IPCEF1: variants seen among roughly 807,000 people sequenced by gnomAD.
IPCEF1 encodes the protein interaction protein for cytohesin exchange factors 1, also known as interactor protein for cytohesin exchange factors 1.
Under a neutral mutation model 50.9 loss-of-function variants are expected in IPCEF1, and 31 were observed. The observed-to-expected ratio is 0.61, with a 90% CI of 0.46 to 0.82. The LOEUF (loss-of-function observed/expected upper bound fraction) is 0.82, where lower values mean the gene tolerates loss of function less well. Ranked by LOEUF, IPCEF1 falls within the 40% of genes least tolerant of loss-of-function variation. The probability of loss-of-function intolerance (pLI) is 0.00; values close to 1 mark genes in which losing one functional copy is unlikely to be tolerated. For synonymous variants in IPCEF1, 181 were observed against 192.0 expected, an observed-to-expected ratio of 0.94 and a Z score of 0.47; for missense variants, 458 against 514.0, an observed-to-expected ratio of 0.89 and a Z score of 1.05.
At chr6:154,278,732 T>TAC (rs1167454695) in intron 2 of IPCEF1, among the ~76,000 whole-genome samples, 2 of 151,918 alleles carry the variant, frequency 1.3e-5, no homozygotes, top group African/African-American at 4.8e-5. Flanking sequence ...AATATATATA[T>TAC]ATATGATTAA....
chr6:154,235,484 T>A (rs1255910992), intron 5 of IPCEF1, among the ~76,000 whole-genome samples: 2 of 140,204 alleles, frequency 1.4e-5, no homozygotes, highest in Non-Finnish European at 1.5e-5. Context: ...TCAGCCGAGA[T>A]CGCACCATTG....
chr6:154,170,905 C>T (rs886188911), intron 10 of IPCEF1, among the ~76,000 whole-genome samples: 5 of 152,128 alleles, frequency 3.3e-5, no homozygotes, highest in African/African-American at 7.2e-5. Flanking sequence ...GGGTCTTGGT[C>T]TATCACCTGG....
chr6:154,204,404 G>A (rs1460729541), intron 9 of IPCEF1, among the ~76,000 whole-genome samples: 5 of 152,214 alleles, frequency 3.3e-5, no homozygotes, highest in African/African-American at 9.6e-5. Flanking sequence ...TGACAAGAAA[G>A]GAAGAAAAGT....
rs531438251 is a variant in IPCEF1, at chr6:154,245,288, A to G, written c.246+1303T>C. ...TTGTTATAACTCACCAAATGCTTGG[A>G]AAAAAAAAATGTATTTTTATGGAAC... is the stretch of plus-strand genomic sequence containing the variant. On this transcript the variant is annotated intron_variant, in intron 5 of 11. Coordinates refer to ENST00000367220, the MANE Select transcript of IPCEF1 (RefSeq NM_001130700.2). 1.7e-4 allele frequency among the ~76,000 whole-genome samples: 25 copies of G among 150,982 alleles called. No homozygotes were observed. The East Asian group carries it at 4.1e-3, about 25-fold the overall frequency.
intron 8 of IPCEF1, among the ~76,000 whole-genome samples, chr6:154,213,886 G>C (rs77789584): frequency 0.047 from 7,090 of 152,290 alleles, 222 homozygotes; most frequent in Non-Finnish European, 0.076. Flanking sequence ...TAACTGACCA[G>C]ATCATGACGA....
intron 1 of IPCEF1, among the ~76,000 whole-genome samples, chr6:154,315,572 G>A (rs1016147034): frequency 6.6e-6 from 1 of 152,084 alleles, no homozygotes; most frequent in Non-Finnish European, 1.5e-5. Flanking sequence ...TTGTGGTAAC[G>A]ATCACAGATG....
intron 1 of IPCEF1, among the ~76,000 whole-genome samples, chr6:154,338,457 A>AT (rs1375023155): frequency 6.6e-6 from 1 of 152,222 alleles, no homozygotes; most frequent in Non-Finnish European, 1.5e-5. Flanking sequence ...TTATGCTGTT[A>AT]TATCTGGGTT....
chr6:154,252,572 G>C (rs549310163), intron 3 of IPCEF1, among the ~76,000 whole-genome samples: 1 of 152,260 alleles, frequency 6.6e-6, no homozygotes, highest in South Asian at 2.1e-4. Context: ...CTACTCGGGA[G>C]ACTGAGGCAG....
chr6:154,247,120 T>G, intron 4 of IPCEF1: 1 of 421,026 alleles, frequency 2.4e-6, no homozygotes, highest in Non-Finnish European at 4.3e-6. Context: ...GGCATATCAG[T>G]GCAGTAACAT....
intron 4 of IPCEF1, chr6:154,247,198 C>T: frequency 5.9e-6 from 3 of 509,770 alleles, no homozygotes; most frequent in Non-Finnish European, 1.1e-5. Flanking sequence ...CACCTCAATA[C>T]ACAGCTACTT....
intron 2 of IPCEF1, among the ~76,000 whole-genome samples, chr6:154,275,732 C>G (rs1017179691): frequency 1.3e-5 from 2 of 152,046 alleles, no homozygotes; most frequent in African/African-American, 4.8e-5. Context: ...GCAGCTATAC[C>G]CCATACAGCA....
At chr6:154,238,640 C>T (rs894354975) in intron 5 of IPCEF1, among the ~76,000 whole-genome samples, 1 of 151,884 alleles carries the variant, frequency 6.6e-6, no homozygotes, top group Non-Finnish European at 1.5e-5. Flanking sequence ...TTTTATTTCG[C>T]TTACTTCTAT....
chr6:154,175,395 T>C (rs972831657), intron 10 of IPCEF1, among the ~76,000 whole-genome samples: 2 of 151,280 alleles, frequency 1.3e-5, no homozygotes, highest in African/African-American at 4.9e-5. Flanking sequence ...GCTTTTTTTT[T>C]TTTGAAAAGA....
At chr6:154,192,894 G>A (rs549541869) in intron 10 of IPCEF1, among the ~76,000 whole-genome samples, 2 of 152,280 alleles carry the variant, frequency 1.3e-5, no homozygotes, top group South Asian at 2.1e-4. Flanking sequence ...GTGGTGAACA[G>A]GGATCACTTC....
chr6:154,344,868 G>A (rs114929832), intron 1 of IPCEF1, among the ~76,000 whole-genome samples: 1,580 of 152,198 alleles, frequency 0.01, 25 homozygotes, highest in African/African-American at 0.036. Context: ...ACAATCACAT[G>A]TCACTTTGGG....
intron 5 of IPCEF1, among the ~76,000 whole-genome samples, chr6:154,232,113 C>T (rs1779770254): frequency 6.6e-6 from 1 of 152,124 alleles, no homozygotes; most frequent in South Asian, 2.1e-4. Context: ...TCTCTCCATA[C>T]AATAGCGTCC....
chr6:154,298,962 CAA>C (rs35478569), intron 1 of IPCEF1, among the ~76,000 whole-genome samples: 7 of 94,346 alleles, frequency 7.4e-5, no homozygotes, highest in Non-Finnish European at 9.5e-5. Flanking sequence ...AACTCCATCT[CAA>C]AAAAAAAAAA....
intron 2 of IPCEF1, among the ~76,000 whole-genome samples, chr6:154,272,961 T>C (rs1454625534): frequency 6.6e-6 from 1 of 152,238 alleles, no homozygotes; most frequent in African/African-American, 2.4e-5. Flanking sequence ...CTAATAGACA[T>C]TATCATCTTT....
chr6:154,270,663 T>A (rs1781879305), intron 2 of IPCEF1, among the ~76,000 whole-genome samples: 1 of 152,236 alleles, frequency 6.6e-6, no homozygotes. Flanking sequence ...AAAAATTTTT[T>A]AAATTAATTT....
Sources: allele counts gnomAD v4.1 joint callset (sites outside exome capture counted in the v4.1 genomes callset), GRCh38; gene constraint gnomAD v4.1.1; transcripts MANE v1.5; gene names NCBI Gene and HGNC (gene_info 2026-07-23, HGNC 2026-07-21).